The following XXYLT1 variants were observed in gnomAD, a reference collection of about 807,000 sequenced individuals.
XXYLT1 encodes UDP-xylose:alpha-xyloside alpha-1,3-xylosyltransferase.
In XXYLT1, 20 loss-of-function variants were observed where a neutral mutation model predicts 28.9. The observed-to-expected ratio is 0.69, with a 90% confidence interval of 0.49 to 1.00. XXYLT1 has a LOEUF of 1.00. Among genes scored for constraint, XXYLT1 ranks in the 50% least tolerant of loss-of-function variants. The probability of loss-of-function intolerance (pLI) is 0.00; values close to 1 mark genes in which losing one functional copy is unlikely to be tolerated. For synonymous variants in XXYLT1, 257 were observed against 253.8 expected, an observed-to-expected ratio of 1.01 and a Z score of -0.12; for missense variants, 542 against 560.1, an observed-to-expected ratio of 0.97 and a Z score of 0.33.
chr3:195,225,471 TG>T (rs1455745141), intron 2 of XXYLT1, among the ~76,000 whole-genome samples: 1 of 152,228 alleles, frequency 6.6e-6, no homozygotes, highest in Non-Finnish European at 1.5e-5. Context: ...TCTGGTCTGC[TG>T]GGCTGGAGGA....
At chr3:195,263,307 A>T (rs1422887457) in intron 1 of XXYLT1, among the ~76,000 whole-genome samples, 2 of 152,208 alleles carry the variant, frequency 1.3e-5, no homozygotes, top group East Asian at 3.8e-4. Context: ...CCCAACCTGT[A>T]AAGTGGATGC....
intron 3 of XXYLT1, among the ~76,000 whole-genome samples, chr3:195,088,387 G>A (rs1363976754): frequency 4.1e-5 from 6 of 146,712 alleles, no homozygotes; most frequent in African/African-American, 4.9e-5. Context: ...CCTGACCCCC[G>A]AGCAGCCTAA....
intron 3 of XXYLT1, among the ~76,000 whole-genome samples, chr3:195,117,346 T>C (rs1175767190): frequency 1.3e-5 from 2 of 152,186 alleles, no homozygotes; most frequent in African/African-American, 2.4e-5. Flanking sequence ...ATCCATCCTA[T>C]GGACTACATT....
intron 3 of XXYLT1, chr3:195,154,003 G>C (rs995291620): frequency 3.9e-5 from 6 of 152,304 alleles, no homozygotes; most frequent in East Asian, 1.9e-4. Context: ...CTTCTCAGGT[G>C]GGGGAACAAA....
chr3:195,087,110 G>A (rs973489757), intron 3 of XXYLT1, among the ~76,000 whole-genome samples: 17 of 152,208 alleles, frequency 1.1e-4, no homozygotes, highest in African/African-American at 4.1e-4. Flanking sequence ...GGGGCTGGGA[G>A]GCACTGCCCG....
At chr3:195,100,870 C>T (rs6795886) in intron 3 of XXYLT1, among the ~76,000 whole-genome samples, 1,557 of 152,366 alleles carry the variant, frequency 0.01, 20 homozygotes, top group African/African-American at 0.036. Context: ...CTTTTTATAT[C>T]GGATATCCCT....
intron 2 of XXYLT1, among the ~76,000 whole-genome samples, chr3:195,224,523 G>A (rs549696588): frequency 1.1e-4 from 17 of 152,334 alleles, no homozygotes; most frequent in Admixed American, 1.0e-3. Context: ...ACAATTCATT[G>A]CCTGGCTGTC....
At chr3:195,251,814 GA>G (rs1394012741) in intron 1 of XXYLT1, among the ~76,000 whole-genome samples, 2 of 152,178 alleles carry the variant, frequency 1.3e-5, no homozygotes, top group African/African-American at 4.8e-5. Flanking sequence ...CAGCCACCTG[GA>G]GGGGAGCTCA....
Position 195,212,147 on chromosome 3 carries a change from T to C in XXYLT1, c.652+14562A>G. 2.8e-5 allele frequency among the ~76,000 whole-genome samples: 4 copies of C among 144,600 alleles called. No homozygotes were observed. In the Middle Eastern group the frequency reaches 0.011, roughly 390 times the overall value. 94.9% of individuals were successfully genotyped at this position (144,600 alleles called of 152,430 possible). ...GCCACGGAATGCCACCGGGAAGATC[T>C]GGAGGAGGAGAGGGGGCAAGCCATG... On this transcript the variant is annotated intron_variant, in intron 2 of 3. Transcript: ENST00000310380.
intron 3 of XXYLT1, among the ~76,000 whole-genome samples, chr3:195,131,573 C>T (rs896709168): frequency 2.6e-5 from 4 of 152,314 alleles, no homozygotes; most frequent in African/African-American, 4.8e-5. Context: ...ACACTTTTCC[C>T]GCTCTCTTTC....
At chr3:195,260,244 G>A (rs1363720630) in intron 1 of XXYLT1, among the ~76,000 whole-genome samples, 4 of 150,786 alleles carry the variant, frequency 2.7e-5, no homozygotes, top group Non-Finnish European at 4.4e-5. Context: ...CACTCGGCCC[G>A]TGTGTCGGCC....
At chr3:195,244,955 C>T (rs1490180514) in intron 1 of XXYLT1, among the ~76,000 whole-genome samples, 1 of 149,968 alleles carries the variant, frequency 6.7e-6, no homozygotes, top group Admixed American at 6.6e-5. Flanking sequence ...CACCTGAGGT[C>T]GGGAGTTCAA....
Position 195,210,021 on chromosome 3 carries a change from A to AAAAGAGAAGACGCTCAGCAGAGTCAG in XXYLT1, c.652+16687_652+16688insCTGACTCTGCTGAGCGTCTTCTCTTT, listed in dbSNP as rs1723243123. Among the ~76,000 whole-genome samples, 1 of 152,168 alleles carries AAAAGAGAAGACGCTCAGCAGAGTCAG rather than the reference A, an allele frequency of 6.6e-6. No individual in the cohort carries two copies. The highest frequency in any genetic ancestry group is 2.4e-5 in the African/African-American group (1 of 41,448). ...GCGGCTTGGCAAACACACCAGAGGG[A>AAAAGAGAAGACGCTCAGCAGAGTCAG]CACACAGGGATCTGACACCATCTGG... is the stretch of plus-strand genomic sequence containing the variant. On this transcript the variant is annotated intron_variant, in intron 2 of 3. Transcript: ENST00000310380. The surrounding 1 kb of genome is among the most constrained non-coding windows in gnomAD (Gnocchi z 4.8).
rs1577216533 is a variant in XXYLT1, at chr3:195,271,131, A to T, written c.-73T>A. 7.9e-7 allele frequency: 1 copy of T among 1,266,282 alleles called. No individual in the cohort carries two copies. The highest frequency in any genetic ancestry group is 9.9e-7 in the Non-Finnish European group (1 of 1,008,562). The allele number at this position is 1,266,282 out of a possible 1,614,324, so 78.4% of individuals were successfully genotyped here. On this transcript the variant is annotated 5_prime_UTR_variant, in exon 1 of 4. Transcript: ENST00000310380. ...CTCGGGTACCCGGACGCCGGCGGCC[A>T]CTTAGCCCCGGCGCCAGGCGGCGGC...
chr3:195,159,370 G>T (rs1458047370), intron 2 of XXYLT1, among the ~76,000 whole-genome samples: 1 of 152,170 alleles, frequency 6.6e-6, no homozygotes, highest in Non-Finnish European at 1.5e-5. Flanking sequence ...AGGTGGCAAA[G>T]CTGATCTCAG....
chr3:195,084,086 A>C (rs1560085301), intron 3 of XXYLT1, among the ~76,000 whole-genome samples: 2 of 152,208 alleles, frequency 1.3e-5, no homozygotes, highest in African/African-American at 4.8e-5. Flanking sequence ...GCATTAACTC[A>C]GAAAGAGCTC....
At chr3:195,246,630 C>T (rs940986939) in intron 1 of XXYLT1, among the ~76,000 whole-genome samples, 1 of 152,184 alleles carries the variant, frequency 6.6e-6, no homozygotes, top group African/African-American at 2.4e-5. Context: ...GCCCCGGACA[C>T]TCCTCCAGGC....
At position 195,173,707 on chromosome 3, in the gene XXYLT1, G is replaced by A. The variant is rs1241046381; in HGVS notation, c.653-17126C>T. ...GGGCTCAGGGGAATCCTACTGAAAG[G>A]CATCGTGGATAAAGTGAACTTCACT... On this transcript the variant is annotated intron_variant, in intron 2 of 3. Coordinates refer to ENST00000310380, the MANE Select transcript of XXYLT1 (RefSeq NM_152531.5). This position sits in a 1 kb window ranked among gnomAD's most constrained non-coding sequence, Gnocchi z 4.3. Among the ~76,000 whole-genome samples, 1 of 152,162 alleles carries A rather than the reference G, an allele frequency of 6.6e-6. No homozygotes were observed. Among genetic ancestry groups the A allele is most frequent in the East Asian group, 1.9e-4 (1 of 5,194 alleles).
At chr3:195,107,752 G>A (rs1577034531) in intron 3 of XXYLT1, among the ~76,000 whole-genome samples, 1 of 151,510 alleles carries the variant, frequency 6.6e-6, no homozygotes, top group Non-Finnish European at 1.5e-5. Flanking sequence ...TCCTCCCTGC[G>A]CTTCTGGCGG....
Sources: allele counts gnomAD v4.1 joint callset (sites outside exome capture counted in the v4.1 genomes callset), GRCh38; gene constraint gnomAD v4.1.1; non-coding constraint Gnocchi (gnomAD v3.1); transcripts MANE v1.5; gene names NCBI Gene and HGNC (gene_info 2026-07-23, HGNC 2026-07-21).